ZFYVE26: variants seen among roughly 807,000 people sequenced by gnomAD.
ZFYVE26 encodes zinc finger FYVE-type containing 26, also known as zinc finger FYVE domain-containing protein 26.
In ZFYVE26, 181 loss-of-function variants were observed where a neutral mutation model predicts 276.5. That is an observed-to-expected ratio of 0.65 (90% CI 0.58 to 0.74). The LOEUF is 0.74. Ranked by LOEUF, ZFYVE26 falls within the 30% of genes least tolerant of loss-of-function variation. The pLI is 0.00. For missense variants in ZFYVE26, 2,821 were observed against 3,097.9 expected, an observed-to-expected ratio of 0.91 and a Z score of 2.12; for synonymous variants, 1,129 against 1,203.1, an observed-to-expected ratio of 0.94 and a Z score of 1.27.
rs1219117051 is a variant in ZFYVE26, at chr14:67,786,174, GAAC to G, written c.3076_3078del (p.Val1026del). On this transcript the variant is annotated inframe_deletion, in exon 17 of 42. Transcript: ENST00000347230. ...TTGAGACTCTTACTGATTTGCTGAA[GAAC>G]AACTGGAAAACCTCGAATGCCATCA... The G allele has an allele frequency of 6.3e-7, 1 of 1,589,858 alleles. No individual in the cohort carries two copies. Among genetic ancestry groups the G allele is most frequent in the Admixed American group, 1.8e-5 (1 of 57,058 alleles).
At chr14:67,796,096 A>G (rs1469621360) in intron 12 of ZFYVE26, 1 of 152,180 alleles carries the variant, frequency 6.6e-6, no homozygotes, top group East Asian at 1.9e-4. Flanking sequence ...GGATGGGGAG[A>G]GGGTGATTAA....
Position 67,783,253 on chromosome 14 carries a change from A to G in ZFYVE26, c.3899T>C (p.Leu1300Pro), listed in dbSNP as rs866618826. Residue 1300 changes from leucine (L) to proline (P), a missense_variant, in exon 21 of 42, where the codon CTC becomes CCC. Transcript: ENST00000347230. ...AAGAAAGGCCAAGGCAGAGGAGGTG[A>G]GGGCTGGGAGTGATGAGTCCCTTGG... ...SSPRDSSLPALTSSALAFLKS... is the reference protein window; with the variant it reads ...SSPRDSSLPAPTSSALAFLKS... 6 of 1,613,858 alleles carry G rather than the reference A, an allele frequency of 3.7e-6. No homozygotes were observed. The African/African-American group carries it at 8.0e-5, about 22-fold the overall frequency.
intron 29 of ZFYVE26, among the ~76,000 whole-genome samples, chr14:67,769,134 A>G (rs2039136843): frequency 6.6e-6 from 1 of 152,196 alleles, no homozygotes; most frequent in Non-Finnish European, 1.5e-5. Context: ...AACTCTGTGT[A>G]GGCAAGTATG....
At chr14:67,782,497 T>C (rs1452121853) in intron 21 of ZFYVE26, among the ~76,000 whole-genome samples, 1 of 152,050 alleles carries the variant, frequency 6.6e-6, no homozygotes, top group East Asian at 1.9e-4. Context: ...ACCCAAACAT[T>C]TGTAGTCTGT....
intron 19 of ZFYVE26, 58 bp downstream of exon 19, chr14:67,785,001 C>T: frequency 6.4e-7 from 1 of 1,571,384 alleles, no homozygotes; most frequent in Non-Finnish European, 8.8e-7. Flanking sequence ...TTTTCTCTTC[C>T]TTGCCCTGAA....
At chr14:67,731,140 A>T (rs934181447) in intron 13 of ZFYVE26, among the ~76,000 whole-genome samples, 2 of 151,112 alleles carry the variant, frequency 1.3e-5, no homozygotes, top group East Asian at 3.9e-4. Flanking sequence ...TTTTAAATGT[A>T]GCTGCTAGAA....
Position 67,807,647 on chromosome 14 carries a change from CA to C in ZFYVE26, c.636del (p.Val214Ter), listed in dbSNP as rs769826925. 1.2e-6 allele frequency: 2 copies of C among 1,614,072 alleles called. No individual in the cohort carries two copies. Among genetic ancestry groups the C allele is most frequent in the African/African-American group, 1.3e-5 (1 of 74,952 alleles). ...RALQGPDSVP[P>X]GVVDAIYGAL... The stretch of plus-strand genomic sequence containing the variant: ...GCTCCATAGATGGCATCGACTACCC[CA>C]GGGGGCACCGAATCAGGGCCCTGCA... On this transcript the variant is annotated frameshift_variant, in exon 5 of 42. Coordinates refer to ENST00000347230, the MANE Select transcript of ZFYVE26 (RefSeq NM_015346.4). LOFTEE classifies it high-confidence loss of function.
Position 67,751,104 on chromosome 14 carries a change from G to A in ZFYVE26, c.7372-8C>T, listed in dbSNP as rs1320337326. On this transcript the variant is annotated splice_polypyrimidine_tract_variant and splice_region_variant and intron_variant, in intron 40 of 41. Transcript: ENST00000347230. ...GATCAGGCCCTCCAGCTCCTGTGCAGAACAGAAACAGCACTGTGAGAGGGA... is the reference window on the plus strand; with the variant it reads ...GATCAGGCCCTCCAGCTCCTGTGCAAAACAGAAACAGCACTGTGAGAGGGA... 1.9e-6 allele frequency: 3 copies of A among 1,614,160 alleles called. No individual in the cohort carries two copies. Among genetic ancestry groups the A allele is most frequent in the Non-Finnish European group, 1.7e-6 (2 of 1,180,030 alleles).
In ZFYVE26 at chr14:67,805,506, C is replaced by A. The variant is rs1003221368; in HGVS notation, c.1130G>T (p.Cys377Phe). The change falls in exon 7 of 42, where the codon TGC becomes TTC. Residue 377 changes from cysteine to phenylalanine, a missense_variant. Cys to Phe is a radical substitution (Grantham distance 205, BLOSUM62 -2). Transcript: ENST00000347230. ...CCTCTTGGCTGACTCTAGGCTCTGGCAGTGTGTCCAGCCCAGGAGTACAAG... is the reference window on the plus strand; with the variant it reads ...CCTCTTGGCTGACTCTAGGCTCTGGAAGTGTGTCCAGCCCAGGAGTACAAG... Reference protein sequence around the residue: ...CLLVLLGWTHCQSLESAKRLL... With the variant: ...CLLVLLGWTHFQSLESAKRLL... 35 of 1,614,064 alleles carry A rather than the reference C, an allele frequency of 2.2e-5. No homozygotes were observed. Among genetic ancestry groups the A allele is most frequent in the Non-Finnish European group, 2.6e-5 (31 of 1,180,040 alleles).
At chr14:67,768,627 T>C (rs747231695) in intron 29 of ZFYVE26, 79 bp from the exon 30 acceptor site, 2 of 1,367,788 alleles carry the variant, frequency 1.5e-6, no homozygotes, top group Non-Finnish European at 2.1e-6. Context: ...CAGCATCAAC[T>C]TACAGTGTCT....
chr14:67,736,955 G>T (rs1345500378), intron 13 of ZFYVE26, among the ~76,000 whole-genome samples: 1 of 152,120 alleles, frequency 6.6e-6, no homozygotes, highest in Non-Finnish European at 1.5e-5. Context: ...ACCAGTAATT[G>T]GGTGTGGGCA....
intron 3 of ZFYVE26, among the ~76,000 whole-genome samples, chr14:67,810,596 G>T (rs1454682312): frequency 3.9e-5 from 6 of 152,104 alleles, no homozygotes; most frequent in Non-Finnish European, 7.4e-5. Flanking sequence ...GTTTGTTAAT[G>T]AGATGTGCCA....
intron 23 of ZFYVE26, 139 bp downstream of exon 23, chr14:67,780,102 G>T (rs563996619): frequency 5.0e-5 from 41 of 823,760 alleles, no homozygotes; most frequent in Non-Finnish European, 2.8e-5. Flanking sequence ...CTTGTGAGCC[G>T]CCCGCCTCGG....
chr14:67,770,954 AAT>A (rs2039194296), intron 28 of ZFYVE26, among the ~76,000 whole-genome samples: 1 of 32,700 alleles, frequency 3.1e-5, no homozygotes, highest in Non-Finnish European at 7.5e-5. Context: ...CTGCTTTCCT[AAT>A]ATCTTTTTTT....
At chr14:67,731,199 CTTTCTTTCTTTTTT>C (rs1314536816) in intron 13 of ZFYVE26, among the ~76,000 whole-genome samples, 1 of 123,552 alleles carries the variant, frequency 8.1e-6, no homozygotes, top group African/African-American at 3.1e-5. Flanking sequence ...CATCATATTT[CTTTCTTTCTTTTTT>C]TTTTTTTTTT....
At chr14:67,770,266 C>A (rs147373491) in intron 28 of ZFYVE26, 1,761 of 163,064 alleles carry the variant, frequency 0.011, 25 homozygotes, top group African/African-American at 0.04. Context: ...AAGTTTGAAA[C>A]CAGCCTTGCC....
In ZFYVE26 at chr14:67,798,642, A is replaced by C. The variant is rs968655435; in HGVS notation, c.1640-20T>G. On this transcript the variant is annotated intron_variant, in intron 10 of 41. Coordinates refer to ENST00000347230, the MANE Select transcript of ZFYVE26 (RefSeq NM_015346.4). ...CAGCACCTACAAAAACATGTACAAG[A>C]GAAGAGGCCAGAGAAAGAGAAGACA... The C allele has an allele frequency of 6.2e-7, 1 of 1,613,472 alleles. No individual in the cohort carries two copies. Among genetic ancestry groups the C allele is most frequent in the Non-Finnish European group, 8.5e-7 (1 of 1,180,022 alleles).
chr14:67,740,781 G>A (rs544423208), intron 13 of ZFYVE26, among the ~76,000 whole-genome samples: 8 of 152,134 alleles, frequency 5.3e-5, no homozygotes, highest in East Asian at 1.9e-4. Flanking sequence ...AGTGGCAGGC[G>A]CCTGTAATCC....
intron 13 of ZFYVE26, among the ~76,000 whole-genome samples, chr14:67,741,315 T>G (rs982320119): frequency 6.6e-6 from 1 of 152,240 alleles, no homozygotes; most frequent in Non-Finnish European, 1.5e-5. Context: ...TAAATACACT[T>G]ATTATTTTCT....
Sources: allele counts gnomAD v4.1 joint callset (sites outside exome capture counted in the v4.1 genomes callset), GRCh38; gene constraint gnomAD v4.1.1; transcripts MANE v1.5; gene names NCBI Gene and HGNC (gene_info 2026-07-23, HGNC 2026-07-21).